ANK3: variants seen among roughly 807,000 people sequenced by gnomAD.
The protein encoded by ANK3 is ankyrin 3.
A neutral mutation model predicts 370.9 loss-of-function variants in ANK3; 57 were observed. That is an observed-to-expected ratio of 0.15 (90% CI 0.12 to 0.19). The LOEUF (loss-of-function observed/expected upper bound fraction) is 0.19. Among genes scored for constraint, ANK3 ranks in the 10% least tolerant of loss-of-function variants. ANK3 has a pLI of 1.00. For synonymous variants in ANK3, 1,929 were observed against 1,946.3 expected, an observed-to-expected ratio of 0.99 and a Z score of 0.23; for missense variants, 4,439 against 5,302.1, an observed-to-expected ratio of 0.84 and a Z score of 5.06.
At chr10:60,563,320 A>C (rs975461348) in intron 2 of ANK3, among the ~76,000 whole-genome samples, 1 of 152,160 alleles carries the variant, frequency 6.6e-6, no homozygotes, top group African/African-American at 2.4e-5. Flanking sequence ...GAATTTATTA[A>C]GGACAAAAAC....
chr10:60,506,810 T>TCG (rs781671564), intron 2 of ANK3, among the ~76,000 whole-genome samples: 1 of 152,124 alleles, frequency 6.6e-6, no homozygotes, highest in Non-Finnish European at 1.5e-5. Context: ...TGCCCAGTTC[T>TCG]CTCAAGGCCT....
At chr10:60,586,602 C>T (rs1210443442) in intron 2 of ANK3, among the ~76,000 whole-genome samples, 2 of 152,148 alleles carry the variant, frequency 1.3e-5, no homozygotes, top group African/African-American at 4.8e-5. Context: ...GCAGAGACAG[C>T]TTGACATCCA....
intron 42 of ANK3, chr10:60,053,549 C>T: frequency 1.5e-6 from 1 of 653,062 alleles, no homozygotes; most frequent in South Asian, 2.4e-5. Context: ...ATCTCAGGCT[C>T]AGGATTCCTT....
intron 2 of ANK3, among the ~76,000 whole-genome samples, chr10:60,433,898 A>G (rs1255290071): frequency 6.6e-6 from 1 of 152,234 alleles, no homozygotes; most frequent in East Asian, 1.9e-4. Context: ...CATGGCCTGC[A>G]GAATAACTCT....
At chr10:60,176,192 A>AC (rs534000633) in intron 18 of ANK3, among the ~76,000 whole-genome samples, 5,008 of 143,832 alleles carry the variant, frequency 0.035, 229 homozygotes, top group African/African-American at 0.095. Context: ...AAAAAAAAAA[A>AC]AAACAAAAAA....
chr10:60,088,435 T>C lies in ANK3; in HGVS notation c.3329-77A>G, dbSNP rs1008658602. ...TACCTTAAGTCAAAATGATATATCT[T>C]TTTTTTTGAGATGGAGTTTCACTCT... On this transcript the variant is annotated intron_variant, in intron 28 of 43. Coordinates refer to ENST00000280772, the MANE Select transcript of ANK3 (RefSeq NM_020987.5). 3.8e-5 allele frequency: 50 copies of C among 1,316,518 alleles called. No individual in the cohort carries two copies. In the South Asian group the frequency reaches 6.4e-4, roughly 17 times the overall value. 81.6% of individuals were successfully genotyped at this position (1,316,518 alleles called of 1,614,324 possible).
In ANK3 at chr10:60,070,951, G is replaced by A. The variant is rs887744272; in HGVS notation, c.9930C>T (p.Pro3310=). Residue 3310 remains proline, a synonymous_variant, in exon 37 of 44, where the codon CCC becomes CCT. Coordinates refer to ENST00000280772, the MANE Select transcript of ANK3 (RefSeq NM_020987.5). This position sits in a 1 kb window ranked among gnomAD's most constrained non-coding sequence, Gnocchi z 5.7. The part of the protein sequence containing the change: ...IRVQPPSPVP[P]GADVSDSSDD... ...CGCTTGAATCACTGACGTCTGCCCC[G>A]GGAGGAACTGGTGAAGGTGGCTGCA... is the stretch of plus-strand genomic sequence containing the variant. 1.1e-5 allele frequency: 18 copies of A among 1,613,910 alleles called. No homozygotes were observed. Among genetic ancestry groups the A allele is most frequent in the South Asian group, 2.2e-5 (2 of 91,080 alleles).
intron 2 of ANK3, among the ~76,000 whole-genome samples, chr10:60,425,080 C>A (rs2063854408): frequency 6.6e-6 from 1 of 151,890 alleles, no homozygotes; most frequent in Non-Finnish European, 1.5e-5. Flanking sequence ...TGTGGAAATT[C>A]AAGTAAGGTG....
intron 1 of ANK3, among the ~76,000 whole-genome samples, chr10:60,677,559 C>T (rs1408676469): frequency 1.3e-5 from 2 of 152,026 alleles, no homozygotes; most frequent in African/African-American, 4.8e-5. Context: ...TACAAGGTTG[C>T]AACCTTACCA....
chr10:60,478,841 G>A (rs2075138129), intron 2 of ANK3, among the ~76,000 whole-genome samples: 1 of 151,980 alleles, frequency 6.6e-6, no homozygotes, highest in Admixed American at 6.6e-5. Flanking sequence ...CATAAAATAA[G>A]GATTGTAATA....
intron 11 of ANK3, among the ~76,000 whole-genome samples, chr10:60,204,456 A>T (rs1299139109): frequency 6.6e-6 from 1 of 152,214 alleles, no homozygotes; most frequent in Non-Finnish European, 1.5e-5. Flanking sequence ...GTTGCCTAAT[A>T]TGAACCCATA....
rs550123073 is a variant in ANK3, at chr10:60,622,414, T to G, written c.58-7190A>C. ...CATACCACCACACCCAGCTAGTTAT[T>G]GTATTTTTAGTAGAGATGGGGTTTC... On this transcript the variant is annotated intron_variant, in intron 1 of 43. Coordinates refer to the ANK3 transcript ENST00000373827. 5.9e-5 allele frequency among the ~76,000 whole-genome samples: 9 copies of G among 152,200 alleles called. No individual in the cohort carries two copies. The East Asian group carries it at 1.7e-3, about 29-fold the overall frequency.
chr10:60,084,561 G>C (rs563292907), intron 32 of ANK3, 41 bp downstream of exon 32: 6 of 1,489,072 alleles, frequency 4.0e-6, no homozygotes, highest in Non-Finnish European at 5.6e-6. Flanking sequence ...CTCATATCTG[G>C]AGTACGTAAT....
intron 2 of ANK3, among the ~76,000 whole-genome samples, chr10:60,411,665 G>T (rs2063563083): frequency 6.6e-6 from 1 of 152,028 alleles, no homozygotes; most frequent in Non-Finnish European, 1.5e-5. Flanking sequence ...CTAGAGAAGG[G>T]CCCAGACTCC....
intron 2 of ANK3, among the ~76,000 whole-genome samples, chr10:60,409,892 G>T (rs1472646172): frequency 6.6e-6 from 1 of 152,064 alleles, no homozygotes; most frequent in Non-Finnish European, 1.5e-5. Flanking sequence ...ACCATCTTCT[G>T]CCACCTCCCT....
chr10:60,469,096 CCACTTTTAGT>C lies in ANK3; in HGVS notation c.96+146080_96+146089del, dbSNP rs2065099985. 2.3e-4 allele frequency among the ~76,000 whole-genome samples: 2 copies of C among 8,784 alleles called. 1 individual carries two copies. Among genetic ancestry groups the C allele is most frequent in the African/African-American group, 9.4e-4 (2 of 2,122 alleles). The allele number at this position is 8,784 out of a possible 152,430, so 5.8% of individuals were successfully genotyped here. On this transcript the variant is annotated intron_variant, in intron 2 of 43. Coordinates refer to the ANK3 transcript ENST00000373827. ...ATATATATATATATATATATATATACCACTTTTAGTATATATATATATACCACTTTTAGTA... is the reference window on the plus strand; with the variant it reads ...ATATATATATATATATATATATATACATATATATATATACCACTTTTAGTA...
At chr10:60,150,053 T>G (rs1355662504) in intron 23 of ANK3, among the ~76,000 whole-genome samples, 2 of 152,168 alleles carry the variant, frequency 1.3e-5, no homozygotes, top group Non-Finnish European at 2.9e-5. Context: ...TCTAGGAAAG[T>G]TCCTCCCAGG....
intron 1 of ANK3, among the ~76,000 whole-genome samples, chr10:60,380,200 C>T (rs1482606842): frequency 6.6e-6 from 1 of 152,150 alleles, no homozygotes; most frequent in Non-Finnish European, 1.5e-5. Flanking sequence ...CCAGTAATAT[C>T]ACCCTCCTAC....
Position 60,679,339 on chromosome 10 carries a change from G to A in ANK3, c.57+53924C>T, listed in dbSNP as rs541490076. 2.0e-4 allele frequency among the ~76,000 whole-genome samples: 30 copies of A among 152,196 alleles called. No individual in the cohort carries two copies. In the East Asian group the frequency reaches 5.6e-3, roughly 29 times the overall value. ...GGCAACCATCAGGTGATGGTCAGGCGGTTGTTAAACAGTTTCTCTAAAATA... is the reference window on the plus strand; with the variant it reads ...GGCAACCATCAGGTGATGGTCAGGCAGTTGTTAAACAGTTTCTCTAAAATA... On this transcript the variant is annotated intron_variant, in intron 1 of 43. Coordinates refer to the ANK3 transcript ENST00000373827.
Sources: allele counts gnomAD v4.1 joint callset (sites outside exome capture counted in the v4.1 genomes callset), GRCh38; gene constraint gnomAD v4.1.1; non-coding constraint Gnocchi (gnomAD v3.1); transcripts MANE v1.5; gene names NCBI Gene and HGNC (gene_info 2026-07-23, HGNC 2026-07-21).